Variants in RELN observed in about 807,000 individuals in gnomAD.
RELN encodes the protein reelin.
A neutral mutation model predicts 427.6 loss-of-function variants in RELN; 108 were observed. The observed-to-expected ratio is 0.25, with a 90% CI of 0.22 to 0.30. The LOEUF (loss-of-function observed/expected upper bound fraction) is 0.30, where lower values mean the gene tolerates loss of function less well. Ranked by LOEUF, RELN falls within the 10% of genes least tolerant of loss-of-function variation. The pLI, the probability that RELN is intolerant of heterozygous loss-of-function variation, is 1.00. For synonymous variants in RELN, 1,524 were observed against 1,513.4 expected, an observed-to-expected ratio of 1.01 and a Z score of -0.16; for missense variants, 3,715 against 4,302.8, an observed-to-expected ratio of 0.86 and a Z score of 3.82.
intron 8 of RELN, among the ~76,000 whole-genome samples, chr7:103,702,173 C>T (rs572800383): frequency 5.9e-5 from 9 of 152,318 alleles, no homozygotes; most frequent in Admixed American, 5.9e-4. Flanking sequence ...TTAATTGTTG[C>T]TAAAACTCTA....
chr7:103,800,390 C>T (rs953755586), intron 3 of RELN, among the ~76,000 whole-genome samples: 4 of 152,148 alleles, frequency 2.6e-5, no homozygotes, highest in African/African-American at 9.7e-5. Context: ...TTCACAATTG[C>T]TACAAAGAGA....
chr7:103,675,428 G>C (rs948792289), intron 11 of RELN, among the ~76,000 whole-genome samples: 36 of 152,134 alleles, frequency 2.4e-4, no homozygotes, highest in African/African-American at 8.7e-4. Context: ...CTCATGGATA[G>C]GAACAATCAA....
chr7:103,839,885 T>C (rs1383399093), intron 2 of RELN, among the ~76,000 whole-genome samples: 1 of 152,314 alleles, frequency 6.6e-6, no homozygotes, highest in Middle Eastern at 3.4e-3. Flanking sequence ...TGAATTATAA[T>C]TCCCAGTGTT....
intron 11 of RELN, among the ~76,000 whole-genome samples, chr7:103,678,951 G>A (rs112387074): frequency 0.033 from 5,037 of 152,212 alleles, 277 homozygotes; most frequent in African/African-American, 0.11. Flanking sequence ...ACTGAGCAGA[G>A]AAAACAGAAC....
intron 2 of RELN, among the ~76,000 whole-genome samples, chr7:103,893,695 G>A (rs1437613104): frequency 6.6e-6 from 1 of 152,108 alleles, no homozygotes; most frequent in Non-Finnish European, 1.5e-5. Context: ...GCAGACAATA[G>A]ACATTTTCCT....
At chr7:103,878,368 G>A (rs1584324836) in intron 2 of RELN, among the ~76,000 whole-genome samples, 1 of 152,104 alleles carries the variant, frequency 6.6e-6, no homozygotes, top group Non-Finnish European at 1.5e-5. Flanking sequence ...TGTCTACTTT[G>A]ATAAATACTT....
intron 4 of RELN, 109 bp downstream of exon 4, chr7:103,776,447 TA>T: frequency 9.0e-7 from 1 of 1,117,214 alleles, no homozygotes; most frequent in African/African-American, 1.5e-5. Context: ...CTTACATTTT[TA>T]AAGCTTACGA....
intron 13 of RELN, among the ~76,000 whole-genome samples, chr7:103,653,810 G>A (rs534452210): frequency 6.6e-6 from 1 of 152,026 alleles, no homozygotes; most frequent in African/African-American, 2.4e-5. Context: ...GTTACATTTA[G>A]GGCTTTCTTG....
chr7:103,704,948 C>T lies in RELN; in HGVS notation c.806-3942G>A, dbSNP rs1463134909. Among the ~76,000 whole-genome samples, 4 of 152,170 alleles carry T rather than the reference C, an allele frequency of 2.6e-5. No individual in the cohort carries two copies. The East Asian group carries it at 7.7e-4, about 29-fold the overall frequency. On this transcript the variant is annotated intron_variant, in intron 8 of 64. Transcript: ENST00000428762. The stretch of plus-strand genomic sequence containing the variant: ...GCTTTCCCAAATTCAGGTTATGTGA[C>T]TTTGCAGCAGGATTTGTCAAGGCTG...
chr7:103,758,895 G>A (rs1791226800), intron 4 of RELN, among the ~76,000 whole-genome samples: 1 of 151,792 alleles, frequency 6.6e-6, no homozygotes, highest in Admixed American at 6.6e-5. Flanking sequence ...GCAATGAAAT[G>A]CTTCAGCAAC....
intron 13 of RELN, among the ~76,000 whole-genome samples, chr7:103,653,259 A>G (rs1483467266): frequency 4.6e-5 from 7 of 152,086 alleles, no homozygotes; most frequent in African/African-American, 1.7e-4. Flanking sequence ...GAAGATGACC[A>G]CGGCAGGTAT....
At chr7:103,814,593 C>T (rs1297668298) in intron 3 of RELN, among the ~76,000 whole-genome samples, 1 of 152,138 alleles carries the variant, frequency 6.6e-6, no homozygotes, top group Non-Finnish European at 1.5e-5. Flanking sequence ...TGCCTTGCTG[C>T]CTTGGCCACA....
At chr7:103,862,813 A>T (rs922975343) in intron 2 of RELN, among the ~76,000 whole-genome samples, 5 of 152,152 alleles carry the variant, frequency 3.3e-5, no homozygotes, top group African/African-American at 1.2e-4. Context: ...TGACAGGAGC[A>T]GATGGTCTAA....
intron 36 of RELN, among the ~76,000 whole-genome samples, chr7:103,559,288 A>G (rs1830590499): frequency 6.6e-6 from 1 of 152,222 alleles, no homozygotes; most frequent in Non-Finnish European, 1.5e-5. Flanking sequence ...TGGTTTGGGG[A>G]GAAAAATATC....
intron 17 of RELN, among the ~76,000 whole-genome samples, chr7:103,639,091 A>C (rs1031471537): frequency 2.6e-5 from 4 of 152,194 alleles, no homozygotes; most frequent in African/African-American, 9.7e-5. Flanking sequence ...AGATGGTCTG[A>C]TTATGGATAA....
intron 1 of RELN, among the ~76,000 whole-genome samples, chr7:103,960,360 TCTC>T (rs1462004134): frequency 6.6e-6 from 1 of 152,160 alleles, no homozygotes; most frequent in Non-Finnish European, 1.5e-5. Flanking sequence ...AAGCTCACTC[TCTC>T]CTCTCTTTCA....
chr7:103,629,513 C>T (rs1832404380), intron 20 of RELN, among the ~76,000 whole-genome samples: 1 of 152,130 alleles, frequency 6.6e-6, no homozygotes, highest in South Asian at 2.1e-4. Flanking sequence ...AACAGAGCTA[C>T]TCATGATAAA....
chr7:103,808,295 TG>T, intron 3 of RELN, among the ~76,000 whole-genome samples: 1 of 151,320 alleles, frequency 6.6e-6, no homozygotes, highest in Non-Finnish European at 1.5e-5. Flanking sequence ...TAGCATTAGG[TG>T]ATATACCTAA....
intron 10 of RELN, among the ~76,000 whole-genome samples, chr7:103,684,044 G>A (rs1016536467): frequency 2.6e-5 from 4 of 152,126 alleles, no homozygotes; most frequent in Non-Finnish European, 4.4e-5. Context: ...AAGGATATAT[G>A]AGCCCATAGT....
Sources: allele counts gnomAD v4.1 joint callset (sites outside exome capture counted in the v4.1 genomes callset), GRCh38; gene constraint gnomAD v4.1.1; transcripts MANE v1.5; gene names NCBI Gene and HGNC (gene_info 2026-07-23, HGNC 2026-07-21).